The following RNF216 variants were observed in gnomAD, a reference collection of about 807,000 sequenced individuals.
The protein encoded by RNF216 is ring finger protein 216, also known as E3 ubiquitin-protein ligase RNF216.
RNF216 carries 72 observed loss-of-function variants against 110.8 expected under a neutral mutation model. That is an observed-to-expected ratio of 0.65 (90% CI 0.54 to 0.79). RNF216 has a LOEUF of 0.79. RNF216 is among the 30% of genes least tolerant of loss of function. RNF216 has a pLI of 0.00. For missense variants in RNF216, 1,342 were observed against 1,141.2 expected (o/e 1.18, Z -2.54); for synonymous variants, 495 against 407.5 (o/e 1.21, Z -2.59).
chr7:5,632,579 C>A lies in RNF216; in HGVS notation c.2383-8454G>T, dbSNP rs187561686. 2.9e-3 allele frequency among the ~76,000 whole-genome samples: 440 copies of A among 152,278 alleles called. 1 individual carries two copies. The highest frequency in any genetic ancestry group is 1.0e-2 in the African/African-American group (414 of 41,562). On this transcript the variant is annotated intron_variant, in intron 15 of 16. Coordinates refer to ENST00000389902, the MANE Select transcript of RNF216 (RefSeq NM_207111.4). ...ATCACCTGATGTCAGGGGTTCGAGA[C>A]CAGCCTGGCCAACATGGCGAAACCC...
At chr7:5,774,429 A>T in intron 1 of RNF216, among the ~76,000 whole-genome samples, 1 of 152,206 alleles carries the variant, frequency 6.6e-6, no homozygotes, top group East Asian at 1.9e-4. Context: ...GCAGAGGGAG[A>T]ACCTACCTCC....
intron 13 of RNF216, among the ~76,000 whole-genome samples, chr7:5,682,200 G>A (rs1049975878): frequency 6.6e-6 from 1 of 152,052 alleles, no homozygotes; most frequent in Non-Finnish European, 1.5e-5. Flanking sequence ...GTACCTACGT[G>A]CCAGCCCACA....
At position 5,715,280 on chromosome 7, in the gene RNF216, C is replaced by A. The variant is rs899117340; in HGVS notation, c.1696-90G>T. ...CCATCCTCATCTCTCTGCCACCCCCCACACAAATTCTGAGGTAAAGCAACC... is the reference window on the plus strand; with the variant it reads ...CCATCCTCATCTCTCTGCCACCCCCAACACAAATTCTGAGGTAAAGCAACC... On this transcript the variant is annotated intron_variant, in intron 10 of 16. Transcript: ENST00000389902. 6 of 1,343,286 alleles carry A rather than the reference C, an allele frequency of 4.5e-6. No homozygotes were observed. In the East Asian group the frequency reaches 7.0e-5, roughly 16 times the overall value. 83.2% of individuals were successfully genotyped at this position (1,343,286 alleles called of 1,614,324 possible).
intron 13 of RNF216, among the ~76,000 whole-genome samples, chr7:5,685,100 G>A (rs985032329): frequency 1.3e-5 from 2 of 152,126 alleles, no homozygotes; most frequent in African/African-American, 4.8e-5. Context: ...CGCCATCTTG[G>A]GTCCTGGTGG....
chr7:5,704,307 G>A (rs776208223), intron 13 of RNF216, among the ~76,000 whole-genome samples: 1 of 152,108 alleles, frequency 6.6e-6, no homozygotes, highest in Non-Finnish European at 1.5e-5. Flanking sequence ...TATATTACTG[G>A]CAAAGACACT....
Position 5,762,630 on chromosome 7 carries a change from T to C in RNF216, c.-69-1492A>G, listed in dbSNP as rs569727022. Among the ~76,000 whole-genome samples the C allele has an allele frequency of 2.0e-3, 298 of 150,974 alleles. 3 individuals are homozygous for C. The highest frequency in any genetic ancestry group is 8.2e-3 in the South Asian group (39 of 4,752). On this transcript the variant is annotated intron_variant, in intron 1 of 16. Coordinates refer to ENST00000389902, the MANE Select transcript of RNF216 (RefSeq NM_207111.4). ...TGGCATGAACCCGGGAGGCAGAGGT[T>C]GCAGTGAGCCGAGATCACACCACTG...
At chr7:5,659,140 C>T (rs927888176) in intron 13 of RNF216, among the ~76,000 whole-genome samples, 2 of 152,032 alleles carry the variant, frequency 1.3e-5, no homozygotes, top group African/African-American at 4.8e-5. Context: ...ATCTGAGTGA[C>T]GGTGGGAGGC....
intron 13 of RNF216, among the ~76,000 whole-genome samples, chr7:5,690,675 G>C: frequency 1.0e-5 from 1 of 95,848 alleles, no homozygotes. Context: ...AGAGCAAACA[G>C]AAGTCCACAA....
chr7:5,653,695 T>C (rs768392777), intron 13 of RNF216, among the ~76,000 whole-genome samples: 3 of 149,134 alleles, frequency 2.0e-5, no homozygotes, highest in African/African-American at 5.0e-5. Flanking sequence ...TAGGTTACAG[T>C]GAAGGAAAAC....
chr7:5,631,265 G>GA (rs1787054723), intron 15 of RNF216, among the ~76,000 whole-genome samples: 1 of 152,164 alleles, frequency 6.6e-6, no homozygotes. Flanking sequence ...GCCATCCCCT[G>GA]AAACAGCCCA....
intron 3 of RNF216, among the ~76,000 whole-genome samples, chr7:5,742,988 CGTG>C (rs1794845794): frequency 6.6e-6 from 1 of 151,978 alleles, no homozygotes; most frequent in Non-Finnish European, 1.5e-5. Context: ...GTAGGCCAGG[CGTG>C]GTGGCTCATG....
chr7:5,749,832 G>C (rs1371335110), intron 3 of RNF216, among the ~76,000 whole-genome samples: 1 of 152,126 alleles, frequency 6.6e-6, no homozygotes. Context: ...AGATCAAACA[G>C]CAAAAATTAA....
chr7:5,669,920 G>A (rs1043337172), intron 13 of RNF216, among the ~76,000 whole-genome samples: 86 of 151,400 alleles, frequency 5.7e-4, no homozygotes, highest in African/African-American at 2.0e-3. Context: ...TGGATGGTGC[G>A]TTTGGAAATC....
rs571621313 is a variant in RNF216, at chr7:5,772,187, C to A, written c.-70+9354G>T. ...GGTGGAGGTTGCGGTGAGCCGAGATCAAGCCATTGCACTCCAGCCTGGGCA... is the reference window on the plus strand; with the variant it reads ...GGTGGAGGTTGCGGTGAGCCGAGATAAAGCCATTGCACTCCAGCCTGGGCA... On this transcript the variant is annotated intron_variant, in intron 1 of 16. Transcript: ENST00000389902. 1.4e-4 allele frequency among the ~76,000 whole-genome samples: 21 copies of A among 152,282 alleles called. No homozygotes were observed. In the South Asian group the frequency reaches 4.1e-3, roughly 30 times the overall value.
At chr7:5,765,163 A>T (rs566346270) in intron 1 of RNF216, among the ~76,000 whole-genome samples, 1 of 152,240 alleles carries the variant, frequency 6.6e-6, no homozygotes, top group East Asian at 1.9e-4. Flanking sequence ...AAGAGCTATT[A>T]AAAAAATGAA....
chr7:5,651,216 T>C (rs867618426), intron 14 of RNF216, among the ~76,000 whole-genome samples: 9 of 152,042 alleles, frequency 5.9e-5, no homozygotes, highest in African/African-American at 2.2e-4. Context: ...GTGAAGCAGT[T>C]AGACAATCTT....
intron 15 of RNF216, among the ~76,000 whole-genome samples, chr7:5,626,670 T>TAA (rs71547783): frequency 5.0e-4 from 70 of 140,994 alleles, no homozygotes; most frequent in African/African-American, 1.7e-3. Context: ...AAACTTGTGT[T>TAA]AAAAAAAAAA....
intron 13 of RNF216, among the ~76,000 whole-genome samples, chr7:5,681,682 T>C (rs907171004): frequency 6.6e-6 from 1 of 152,332 alleles, no homozygotes; most frequent in African/African-American, 2.4e-5. Context: ...CTGTCTGGTA[T>C]GTTGGCCCAA....
At chr7:5,730,942 A>C in intron 5 of RNF216, 125 bp from the exon 6 acceptor site, 1 of 1,393,710 alleles carries the variant, frequency 7.2e-7, no homozygotes, top group Non-Finnish European at 9.8e-7. Flanking sequence ...TCAAGAAATT[A>C]AGATGTTTGT....
Sources: allele counts gnomAD v4.1 joint callset (sites outside exome capture counted in the v4.1 genomes callset), GRCh38; gene constraint gnomAD v4.1.1; transcripts MANE v1.5; gene names NCBI Gene and HGNC (gene_info 2026-07-23, HGNC 2026-07-21).